The following NETO1 variants were observed in gnomAD, a reference collection of about 807,000 sequenced individuals.
NETO1 encodes the protein neuropilin and tolloid-like protein 1.
In NETO1, 26 loss-of-function variants were observed where a neutral mutation model predicts 61.3. That is an observed-to-expected ratio of 0.42 (90% CI 0.31 to 0.59). The LOEUF is 0.59. NETO1 is among the 20% of genes least tolerant of loss of function. The pLI, the probability that NETO1 is intolerant of heterozygous loss-of-function variation, is 0.12. For synonymous variants in NETO1, 225 were observed against 225.8 expected, an observed-to-expected ratio of 1.00 and a Z score of 0.03; for missense variants, 531 against 662.8, an observed-to-expected ratio of 0.80 and a Z score of 2.18.
At chr18:72,797,796 T>C (rs1286161609) in intron 4 of NETO1, among the ~76,000 whole-genome samples, 2 of 152,292 alleles carry the variant, frequency 1.3e-5, no homozygotes, top group Non-Finnish European at 2.9e-5. Flanking sequence ...CTGATCACAT[T>C]CACCTATTTC....
rs974341757 is a variant in NETO1 at position 72,745,672 on chromosome 18, C to T, written c.*2507G>A. The T allele has an allele frequency of 1.3e-5, 2 of 152,136 alleles. No individual in the cohort carries two copies. Among genetic ancestry groups the T allele is most frequent in the African/African-American group, 2.4e-5 (1 of 41,434 alleles). The allele number at this position is 152,136 out of a possible 1,614,324, so 9.4% of individuals were successfully genotyped here. A position where few individuals can be genotyped will look rare whatever the true frequency, so the allele number is the denominator to read the frequency against. On this transcript the variant is annotated 3_prime_UTR_variant, in exon 11 of 11. Transcript: ENST00000327305. ...ATAAGGTCTGATATAGCTACTAAAT[C>T]GTTTTTGATATATTGACAAATTTCA...
At position 72,850,145 on chromosome 18, in the gene NETO1, G is replaced by A. The variant is rs1411558999; in HGVS notation, c.469+8681C>T. Among the ~76,000 whole-genome samples the A allele has an allele frequency of 5.9e-5, 9 of 152,198 alleles. No homozygotes were observed. The South Asian group carries it at 1.9e-3, about 32-fold the overall frequency. ...AATTAGGACATAGACATCTTGTGGG[G>A]AGGGTATATTATCTGGCTACTATAC... On this transcript the variant is annotated intron_variant, in intron 4 of 10. Coordinates refer to ENST00000327305, the MANE Select transcript of NETO1 (RefSeq NM_138966.5).
At chr18:72,819,560 C>A (rs993035366) in intron 4 of NETO1, among the ~76,000 whole-genome samples, 2 of 152,032 alleles carry the variant, frequency 1.3e-5, no homozygotes, top group Non-Finnish European at 2.9e-5. Flanking sequence ...AATGCCGACA[C>A]TAAAATATGT....
At chr18:72,794,333 T>C (rs1568205819) in intron 5 of NETO1, 30 bp downstream of exon 5, 1 of 1,613,538 alleles carries the variant, frequency 6.2e-7, no homozygotes. Context: ...CAAAGTCTTC[T>C]GAACAGTATT....
intron 4 of NETO1, among the ~76,000 whole-genome samples, chr18:72,837,960 TATG>T (rs2073807166): frequency 4.0e-5 from 6 of 150,930 alleles, no homozygotes; most frequent in African/African-American, 1.5e-4. Flanking sequence ...CACCATCCCC[TATG>T]ACAGGTATCT....
At chr18:72,795,178 G>A (rs1244297226) in intron 4 of NETO1, among the ~76,000 whole-genome samples, 1 of 152,118 alleles carries the variant, frequency 6.6e-6, no homozygotes, top group Non-Finnish European at 1.5e-5. Flanking sequence ...TGGGGGTCTC[G>A]TTCTTGTTCC....
At chr18:72,791,270 A>T (rs1568203060) in intron 6 of NETO1, among the ~76,000 whole-genome samples, 3 of 152,216 alleles carry the variant, frequency 2.0e-5, no homozygotes. Context: ...GAGCCAAGTA[A>T]GCTATTCAGC....
At position 72,833,989 on chromosome 18, in the gene NETO1, G is replaced by A. The variant is rs1002291912; in HGVS notation, c.469+24837C>T. The A allele has an allele frequency of 3.6e-5, 15 of 414,446 alleles. 1 individual carries two copies. The Middle Eastern group carries it at 3.6e-3, about 98-fold the overall frequency. The allele number at this position is 414,446 out of a possible 1,614,324, so 25.7% of individuals were successfully genotyped here. A position where few individuals can be genotyped will look rare whatever the true frequency, so the allele number is the denominator to read the frequency against. Reference sequence around the variant, plus strand: ...CCTATGATAAATTAGCAAGTCCAAAGTGAATACAACATTTTAACACCCAAC... The same window carrying A: ...CCTATGATAAATTAGCAAGTCCAAAATGAATACAACATTTTAACACCCAAC... On this transcript the variant is annotated intron_variant, in intron 4 of 10. Coordinates refer to ENST00000327305, the MANE Select transcript of NETO1 (RefSeq NM_138966.5).
intron 4 of NETO1, among the ~76,000 whole-genome samples, chr18:72,806,638 C>T (rs1297279098): frequency 6.6e-6 from 1 of 152,168 alleles, no homozygotes; most frequent in African/African-American, 2.4e-5. Context: ...ACCTTTCAGA[C>T]AATAAATCTG....
At position 72,776,813 on chromosome 18, in the gene NETO1, C is replaced by A. The variant is rs8093112; in HGVS notation, c.868+6865G>T. ...TTCAGACTAACCCTAACGCTAACTT[C>A]TTCCCCCAAATCCTTGACCTTCTCA... On this transcript the variant is annotated intron_variant, in intron 7 of 10. Transcript: ENST00000327305. 8.6e-3 allele frequency among the ~76,000 whole-genome samples: 1,307 copies of A among 152,272 alleles called. 17 individuals carry two copies. The highest frequency in any genetic ancestry group is 0.03 in the African/African-American group (1,228 of 41,558).
At chr18:72,779,663 G>A (rs552099775) in intron 7 of NETO1, among the ~76,000 whole-genome samples, 8 of 152,234 alleles carry the variant, frequency 5.3e-5, no homozygotes, top group South Asian at 2.1e-4. Context: ...ACCCATGTAC[G>A]TCATCATAGG....
intron 4 of NETO1, among the ~76,000 whole-genome samples, chr18:72,832,064 TAA>T (rs1015101646): frequency 6.6e-6 from 1 of 152,200 alleles, no homozygotes; most frequent in African/African-American, 2.4e-5. Flanking sequence ...AAGTAGGATA[TAA>T]ATAGTGTCTG....
chr18:72,795,188 C>T (rs764595770), intron 4 of NETO1, among the ~76,000 whole-genome samples: 19 of 152,066 alleles, frequency 1.2e-4, no homozygotes, highest in Non-Finnish European at 2.2e-4. Context: ...GTTCTTGTTC[C>T]TGGAATTGAT....
In NETO1 at chr18:72,867,304, C is replaced by T; in HGVS notation, c.-13G>A. The stretch of plus-strand genomic sequence containing the variant: ...GCCCATGGATCATGTCTGTGCGTTA[C>T]ACCAGAGGCTCCGGGCTCCACTAAT... On this transcript the variant is annotated 5_prime_UTR_variant, in exon 1 of 11. Coordinates refer to ENST00000327305, the MANE Select transcript of NETO1 (RefSeq NM_138966.5). 6 of 1,565,916 alleles carry T rather than the reference C, an allele frequency of 3.8e-6. No homozygotes were observed. Among genetic ancestry groups the T allele is most frequent in the East Asian group, 2.5e-5 (1 of 40,556 alleles).
intron 4 of NETO1, among the ~76,000 whole-genome samples, chr18:72,823,207 TA>T (rs1057011666): frequency 2.6e-5 from 4 of 152,138 alleles, no homozygotes; most frequent in African/African-American, 9.7e-5. Context: ...ATGCAATATT[TA>T]AAAAAAATTG....
At chr18:72,756,259 G>C in intron 7 of NETO1, 112 bp from the exon 8 acceptor site, 1 of 584,740 alleles carries the variant, frequency 1.7e-6, no homozygotes, top group Non-Finnish European at 3.1e-6. Flanking sequence ...GCCACAAACT[G>C]AGATAAATGA....
At chr18:72,814,556 C>T (rs1030582584) in intron 4 of NETO1, among the ~76,000 whole-genome samples, 1 of 151,928 alleles carries the variant, frequency 6.6e-6, no homozygotes, top group Non-Finnish European at 1.5e-5. Context: ...ATGAACTAAA[C>T]ACAATCTTAA....
At chr18:72,781,090 A>G (rs2071719283) in intron 7 of NETO1, among the ~76,000 whole-genome samples, 1 of 152,134 alleles carries the variant, frequency 6.6e-6, no homozygotes, top group Admixed American at 6.5e-5. Context: ...GGGTTCCTCT[A>G]TGTTATTGAT....
chr18:72,786,790 G>A (rs1232351585), intron 6 of NETO1, among the ~76,000 whole-genome samples: 3 of 150,056 alleles, frequency 2.0e-5, no homozygotes, highest in South Asian at 2.1e-4. Context: ...ATACTAACTC[G>A]TTTGTTTTTT....
Sources: allele counts gnomAD v4.1 joint callset (sites outside exome capture counted in the v4.1 genomes callset), GRCh38; gene constraint gnomAD v4.1.1; transcripts MANE v1.5; gene names NCBI Gene and HGNC (gene_info 2026-07-23, HGNC 2026-07-21).